The following SUMF1 variants were observed in gnomAD, a reference collection of about 807,000 sequenced individuals.
The protein encoded by SUMF1 is sulfatase modifying factor 1, also known as formylglycine-generating enzyme.
A neutral mutation model predicts 47.6 loss-of-function variants in SUMF1; 48 were observed. That is an observed-to-expected ratio of 1.01 (90% CI 0.80 to 1.28). The LOEUF (loss-of-function observed/expected upper bound fraction) is 1.28. SUMF1 is among the 50% of genes most tolerant of loss of function. The pLI is 0.00. For synonymous variants in SUMF1, 230 were observed against 192.1 expected (o/e 1.20, Z -1.63); for missense variants, 571 against 485.4 (o/e 1.18, Z -1.66).
At chr3:4,125,748 C>A (rs552427070) in intron 8 of SUMF1, among the ~76,000 whole-genome samples, 1 of 152,296 alleles carries the variant, frequency 6.6e-6, no homozygotes, top group African/African-American at 2.4e-5. Context: ...GCTCACGGCT[C>A]ACTGCGGCCT....
intron 8 of SUMF1, among the ~76,000 whole-genome samples, chr3:4,110,526 A>T (rs973633509): frequency 2.0e-5 from 3 of 152,082 alleles, no homozygotes; most frequent in Non-Finnish European, 4.4e-5. Flanking sequence ...TCATGCTGCT[A>T]TAAAGACACA....
At chr3:4,297,563 A>AT (rs1697878707) in intron 8 of SUMF1, among the ~76,000 whole-genome samples, 1 of 101,486 alleles carries the variant, frequency 9.9e-6, no homozygotes, top group Non-Finnish European at 1.9e-5. Flanking sequence ...ACTACACCTG[A>AT]ATTTTTTTTT....
chr3:4,049,567 G>A (rs1337947198), intron 9 of SUMF1, among the ~76,000 whole-genome samples: 1 of 152,082 alleles, frequency 6.6e-6, no homozygotes, highest in Non-Finnish European at 1.5e-5. Flanking sequence ...CTTATGTGAG[G>A]GGAGCATGCA....
At chr3:4,391,352 C>T (rs1025183574) in intron 7 of SUMF1, among the ~76,000 whole-genome samples, 4 of 152,044 alleles carry the variant, frequency 2.6e-5, no homozygotes, top group African/African-American at 9.7e-5. Context: ...ATTTTTCTTT[C>T]AAATTTTTGT....
chr3:4,258,492 G>A (rs1353171039), intron 8 of SUMF1, among the ~76,000 whole-genome samples: 1 of 147,320 alleles, frequency 6.8e-6, no homozygotes, highest in African/African-American at 2.5e-5. Context: ...CATTTATGCA[G>A]CCAAAAAACA....
At chr3:4,406,769 C>A (rs924813328) in intron 7 of SUMF1, among the ~76,000 whole-genome samples, 4 of 152,176 alleles carry the variant, frequency 2.6e-5, no homozygotes, top group African/African-American at 9.7e-5. Context: ...TCACAGATCA[C>A]CCCATCCTGT....
intron 7 of SUMF1, among the ~76,000 whole-genome samples, chr3:4,405,438 G>C (rs114093007): frequency 2.0e-5 from 3 of 152,154 alleles, no homozygotes; most frequent in Non-Finnish European, 4.4e-5. Flanking sequence ...CAAGGCTAGA[G>C]GGCAGTGGTG....
intron 8 of SUMF1, among the ~76,000 whole-genome samples, chr3:4,203,244 A>C: frequency 6.6e-6 from 1 of 151,828 alleles, no homozygotes; most frequent in East Asian, 1.9e-4. Context: ...CTCTAATAAT[A>C]TTTGCTTTAT....
At chr3:4,387,576 T>C (rs890285432) in intron 7 of SUMF1, among the ~76,000 whole-genome samples, 3 of 152,068 alleles carry the variant, frequency 2.0e-5, no homozygotes, top group African/African-American at 7.2e-5. Context: ...GTTTTTCTGT[T>C]GTCTATTTCA....
rs571100347 is a variant in SUMF1 at position 4,316,195 on chromosome 3, G to A, written c.1014+60135C>T. The A allele has an allele frequency of 2.1e-5, 14 of 673,626 alleles. No homozygotes were observed. The East Asian group carries it at 3.8e-4, about 18-fold the overall frequency. 41.7% of individuals were successfully genotyped at this position (673,626 alleles called of 1,614,324 possible). ...TTTTGCTAATGACATCTTACTTGCTGTTTATGTTTATTTTAGACTATGAAA... is the reference window on the plus strand; with the variant it reads ...TTTTGCTAATGACATCTTACTTGCTATTTATGTTTATTTTAGACTATGAAA... On this transcript the variant is annotated intron_variant and NMD_transcript_variant, in intron 8 of 12. Transcript: ENST00000448413.
chr3:4,245,051 CT>C (rs1267873963), intron 8 of SUMF1, among the ~76,000 whole-genome samples: 2 of 151,938 alleles, frequency 1.3e-5, no homozygotes, highest in Non-Finnish European at 2.9e-5. Context: ...CTTGTGTATG[CT>C]TCAAAAAGTT....
At chr3:4,236,890 C>A (rs1474157032) in intron 8 of SUMF1, among the ~76,000 whole-genome samples, 2 of 152,080 alleles carry the variant, frequency 1.3e-5, no homozygotes, top group African/African-American at 4.8e-5. Flanking sequence ...CTGTGTTCCA[C>A]CTATTCATCC....
At chr3:4,298,672 T>C (rs1252869881) in intron 8 of SUMF1, among the ~76,000 whole-genome samples, 4 of 152,238 alleles carry the variant, frequency 2.6e-5, no homozygotes, top group East Asian at 1.9e-4. Context: ...TGTAAGTATA[T>C]AGTTATTTGT....
chr3:4,341,328 C>T (rs1031099442), intron 8 of SUMF1, among the ~76,000 whole-genome samples: 5 of 152,098 alleles, frequency 3.3e-5, no homozygotes, highest in African/African-American at 1.2e-4. Context: ...TACCTCCTAC[C>T]ATGCCGGAGT....
Position 4,449,351 on chromosome 3 carries a change from G to A in SUMF1, c.445-11C>T, listed in dbSNP as rs1702891124. ...GCCAAACTTCTCAGCCTATAAGGAA[G>A]GTAGGAAATAAAAATCCAGAAAAGG... On this transcript the variant is annotated splice_polypyrimidine_tract_variant and intron_variant, in intron 2 of 8. Transcript: ENST00000272902. The A allele has an allele frequency of 6.2e-7, 1 of 1,613,996 alleles. No homozygotes were observed. Among genetic ancestry groups the A allele is most frequent in the Non-Finnish European group, 8.5e-7 (1 of 1,179,890 alleles).
intron 8 of SUMF1, chr3:4,303,210 C>G: frequency 3.1e-6 from 2 of 649,892 alleles, no homozygotes; most frequent in Non-Finnish European, 4.9e-6. Context: ...AAACGGGAGC[C>G]AGACCCAAAA....
intron 8 of SUMF1, among the ~76,000 whole-genome samples, chr3:4,321,926 T>C (rs896614431): frequency 6.6e-6 from 1 of 152,104 alleles, no homozygotes; most frequent in Non-Finnish European, 1.5e-5. Flanking sequence ...TGAACAGTCA[T>C]AAATCATGTT....
chr3:4,443,240 G>A lies in SUMF1; in HGVS notation c.519+6026C>T, dbSNP rs567964216. 1.9e-4 allele frequency among the ~76,000 whole-genome samples: 29 copies of A among 152,010 alleles called. No homozygotes were observed. The South Asian group carries it at 4.2e-3, about 22-fold the overall frequency. ...GTACAGTGAGCCAAGATTGCACACC[G>A]CACTCTAGCCTTGGTGACAGAGCCA... is the stretch of plus-strand genomic sequence containing the variant. On this transcript the variant is annotated intron_variant, in intron 3 of 8. Coordinates refer to ENST00000272902, the MANE Select transcript of SUMF1 (RefSeq NM_182760.4).
At chr3:4,194,392 C>T (rs148834397) in intron 8 of SUMF1, among the ~76,000 whole-genome samples, 91 of 152,156 alleles carry the variant, frequency 6.0e-4, no homozygotes, top group African/African-American at 1.6e-3. Context: ...TAGTTAGGGG[C>T]GGAATCATGT....
Sources: gnomAD v4.1 joint callset for allele counts (sites outside exome capture counted in the v4.1 genomes callset) on GRCh38, gnomAD v4.1.1 for gene constraint, MANE v1.5 for transcripts, NCBI Gene and HGNC (gene_info 2026-07-23, HGNC 2026-07-21) for gene names.